The following NCOR2 variants were observed in gnomAD, a reference collection of about 807,000 sequenced individuals.
NCOR2 encodes CTG repeat protein 26.
A neutral mutation model predicts 262.9 loss-of-function variants in NCOR2; 81 were observed. The observed-to-expected ratio is 0.31, with a 90% confidence interval of 0.26 to 0.37. The LOEUF is 0.37. Among genes scored for constraint, NCOR2 ranks in the 10% least tolerant of loss-of-function variants. The pLI is 1.00. For missense variants in NCOR2, 3,385 were observed against 3,621.4 expected, an observed-to-expected ratio of 0.93 and a Z score of 1.68; for synonymous variants, 1,659 against 1,559.3, an observed-to-expected ratio of 1.06 and a Z score of -1.51.
At chr12:124,449,198 C>T (rs883822) in intron 7 of NCOR2, among the ~76,000 whole-genome samples, 69,080 of 152,062 alleles carry the variant, frequency 0.45, 19,090 homozygotes, top group Non-Finnish European at 0.59. Flanking sequence ...CCTCCAGCAC[C>T]GCCTCACCCA....
chr12:124,354,543 C>A, exon 26 of NCOR2: 1 of 1,598,128 alleles, frequency 6.3e-7, no homozygotes, highest in East Asian at 2.3e-5. Flanking sequence ...AGCCTGGCCC[C>A]GTGGGGACAG....
chr12:124,326,754 T>C (rs2034687676), intron 45 of NCOR2, among the ~76,000 whole-genome samples: 1 of 152,110 alleles, frequency 6.6e-6, no homozygotes, highest in East Asian at 1.9e-4. Flanking sequence ...CCAGGCCCCG[T>C]GCAGAGAAGT....
At chr12:124,339,900 C>CCCCCCCCCCCCCTATACCTCCCCCCCA in intron 37 of NCOR2, 106 bp downstream of exon 39, 1 of 659,510 alleles carries the variant, frequency 1.5e-6, no homozygotes, top group Non-Finnish European at 2.5e-6. Flanking sequence ...TCTGCCCACC[C>CCCCCCCCCCCCCTATACCTCCCCCCCA]ACCCACCTCC....
chr12:124,389,714 T>C lies in NCOR2; in HGVS notation c.1877-3827A>G, dbSNP rs1156823996. ...GGGATCCCGGGATTTGAGGAGCCTT[T>C]GCAGGGTGCACATGAGACCGCCAAC... On this transcript the variant is annotated intron_variant, in intron 16 of 46. Transcript: ENST00000405201. The surrounding 1 kb of genome is among the most constrained non-coding windows in gnomAD (Gnocchi z 4.4). Among the ~76,000 whole-genome samples the C allele has an allele frequency of 6.6e-6, 1 of 152,174 alleles. No individual in the cohort carries two copies. Among genetic ancestry groups the C allele is most frequent in the Non-Finnish European group, 1.5e-5 (1 of 68,020 alleles).
rs563676478 is a variant in NCOR2, at chr12:124,519,760, G to A, written c.-118+15805C>T. On this transcript the variant is annotated intron_variant, in intron 1 of 46. Coordinates refer to the NCOR2 transcript ENST00000404621. ...CCGAGCCCAGCAGCTCGGACTGTGT[G>A]CCCAGCACTGTGCTAAGCGGGTCCC... Among the ~76,000 whole-genome samples, 8 of 152,322 alleles carry A rather than the reference G, an allele frequency of 5.3e-5. No individual in the cohort carries two copies. In the East Asian group the frequency reaches 1.5e-3, roughly 29 times the overall value.
chr12:124,383,121 T>C (rs577399179), intron 17 of NCOR2, among the ~76,000 whole-genome samples: 1 of 152,314 alleles, frequency 6.6e-6, no homozygotes, highest in South Asian at 2.1e-4. Context: ...GTCTGGGGCA[T>C]ACTAGGCCGC....
chr12:124,510,384 G>C (rs572512941), intron 1 of NCOR2, among the ~76,000 whole-genome samples: 1 of 152,226 alleles, frequency 6.6e-6, no homozygotes, highest in Non-Finnish European at 1.5e-5. Context: ...GAGCAGCCAC[G>C]GGAGGGAACA....
chr12:124,515,003 G>A (rs144818501), intron 1 of NCOR2, among the ~76,000 whole-genome samples: 6 of 151,722 alleles, frequency 4.0e-5, no homozygotes, highest in Non-Finnish European at 7.4e-5. Flanking sequence ...CCTCCACCAC[G>A]CCACTCTGAT....
At chr12:124,396,375 C>T (rs1183200817) in intron 16 of NCOR2, among the ~76,000 whole-genome samples, 8 of 152,170 alleles carry the variant, frequency 5.3e-5, no homozygotes, top group Non-Finnish European at 5.9e-5. Context: ...TAAAAGGCGG[C>T]GGGAATCACA....
intron 32 of NCOR2, 44 bp from the exon 35 acceptor site, chr12:124,343,270 A>C (rs1343294828): frequency 1.3e-6 from 2 of 1,552,288 alleles, no homozygotes. Flanking sequence ...TGGGGCTGGC[A>C]TTTACGGGGA....
chr12:124,362,408 G>T, intron 21 of NCOR2, 111 bp from the exon 24 acceptor site: 2 of 999,608 alleles, frequency 2.0e-6, no homozygotes, highest in Non-Finnish European at 2.7e-6. Flanking sequence ...GAAAGCCAGC[G>T]ACATGCTCAA....
chr12:124,360,785 G>A (rs193262970), intron 22 of NCOR2, among the ~76,000 whole-genome samples: 18 of 150,136 alleles, frequency 1.2e-4, no homozygotes, highest in Non-Finnish European at 2.1e-4. Flanking sequence ...CTCCCACTGC[G>A]GGGCTGCTTC....
At chr12:124,394,916 G>A (rs1306584965) in intron 16 of NCOR2, among the ~76,000 whole-genome samples, 1 of 152,208 alleles carries the variant, frequency 6.6e-6, no homozygotes, top group Non-Finnish European at 1.5e-5. Flanking sequence ...TGACTTGCCT[G>A]AGGTCACACA....
chr12:124,509,722 G>A (rs564695022), intron 1 of NCOR2, among the ~76,000 whole-genome samples: 93 of 152,290 alleles, frequency 6.1e-4, no homozygotes, highest in African/African-American at 2.2e-3. Flanking sequence ...TCACCCTGAA[G>A]GGAAAGTGGG....
intron 8 of NCOR2, among the ~76,000 whole-genome samples, chr12:124,436,335 A>T (rs915509177): frequency 6.6e-6 from 1 of 152,140 alleles, no homozygotes; most frequent in East Asian, 1.9e-4. Context: ...CCCTGCCTCA[A>T]CACAGCTGAG....
chr12:124,469,174 C>T (rs1362232005), intron 4 of NCOR2, among the ~76,000 whole-genome samples: 7 of 152,112 alleles, frequency 4.6e-5, no homozygotes, highest in Non-Finnish European at 5.9e-5. Context: ...TGCAATGTGA[C>T]AGGGCATCAC....
intron 1 of NCOR2, among the ~76,000 whole-genome samples, chr12:124,530,932 T>C (rs146596491): frequency 6.6e-6 from 1 of 152,246 alleles, no homozygotes; most frequent in Non-Finnish European, 1.5e-5. Context: ...CACAACACAC[T>C]TCCTCACCCC....
intron 19 of NCOR2, among the ~76,000 whole-genome samples, chr12:124,373,076 T>C (rs2039629670): frequency 1.3e-5 from 2 of 152,234 alleles, no homozygotes; most frequent in South Asian, 4.1e-4. Context: ...AGAACAATAG[T>C]TCCCATCTCA....
chr12:124,370,397 T>C (rs970159015), intron 20 of NCOR2, among the ~76,000 whole-genome samples: 2 of 152,204 alleles, frequency 1.3e-5, no homozygotes, highest in Non-Finnish European at 2.9e-5. Context: ...GTCCTAGGAC[T>C]TCCCCCTTTA....
Sources: gnomAD v4.1 joint callset for allele counts (sites outside exome capture counted in the v4.1 genomes callset) on GRCh38, gnomAD v4.1.1 for gene constraint, Gnocchi (gnomAD v3.1) non-coding constraint, MANE v1.5 for transcripts, NCBI Gene and HGNC (gene_info 2026-07-23, HGNC 2026-07-21) for gene names.